SPIRE1: variants seen among roughly 807,000 people sequenced by gnomAD.
The protein encoded by SPIRE1 is spire type actin nucleation factor 1, also known as protein spire homolog 1.
In SPIRE1, 40 loss-of-function variants were observed where a neutral mutation model predicts 94.1. The observed-to-expected ratio is 0.43, with a 90% CI of 0.33 to 0.55. The LOEUF is 0.55. Ranked by LOEUF, SPIRE1 falls within the 20% of genes least tolerant of loss-of-function variation. The pLI is 0.06. For synonymous variants in SPIRE1, 376 were observed against 371.7 expected (o/e 1.01, Z -0.13); for missense variants, 838 against 975.2 (o/e 0.86, Z 1.87).
intron 12 of SPIRE1, among the ~76,000 whole-genome samples, chr18:12,457,166 T>C (rs991744000): frequency 3.3e-5 from 5 of 152,170 alleles, no homozygotes; most frequent in Admixed American, 3.3e-4. Flanking sequence ...TAGATTTTTG[T>C]TTGCTTTCTT....
intron 1 of SPIRE1, among the ~76,000 whole-genome samples, chr18:12,641,373 T>C (rs1251595933): frequency 2.5e-5 from 3 of 118,926 alleles, no homozygotes; most frequent in Non-Finnish European, 6.0e-5. Context: ...TTTCTTTTTT[T>C]CTTTTTTTTT....
At chr18:12,544,452 C>T (rs986170284) in intron 3 of SPIRE1, among the ~76,000 whole-genome samples, 3 of 151,966 alleles carry the variant, frequency 2.0e-5, no homozygotes, top group Non-Finnish European at 2.9e-5. Context: ...GATCCACCTG[C>T]CTCGGCCTCC....
At chr18:12,522,704 C>G (rs1888458016) in intron 4 of SPIRE1, among the ~76,000 whole-genome samples, 1 of 152,118 alleles carries the variant, frequency 6.6e-6, no homozygotes, top group East Asian at 1.9e-4. Flanking sequence ...ATTTACCATT[C>G]TGAAAATCTT....
In SPIRE1 at chr18:12,479,772, T is replaced by G; in HGVS notation, c.1331A>C (p.Gln444Pro). ...CTTCTTCCGCTGTGCAGGCACCTGCTGTGAGGTACTTAACCCGTTTTCTTT... is the reference window on the plus strand; with the variant it reads ...CTTCTTCCGCTGTGCAGGCACCTGCGGTGAGGTACTTAACCCGTTTTCTTT... ...QTKENGLSTS[Q>P]QVPAQRKKLL... is the part of the protein sequence containing the mutation. Residue 444 changes from glutamine to proline, a missense_variant, in exon 10 of 17, where the codon CAG (glutamine) becomes CCG (proline). By Grantham distance (76) the Gln-to-Pro change is moderately conservative. This residue lies in a region of SPIRE1 where 645 missense variants were observed against 804.7 expected (regional missense o/e 0.80). Transcript: ENST00000409402. The G allele has an allele frequency of 6.2e-7, 1 of 1,614,222 alleles. No homozygotes were observed. Among genetic ancestry groups the G allele is most frequent in the African/African-American group, 1.3e-5 (1 of 75,078 alleles).
Position 12,471,048 on chromosome 18 carries a change from C to T in SPIRE1, c.1405-6090G>A, listed in dbSNP as rs547481898. Among the ~76,000 whole-genome samples the T allele has an allele frequency of 6.1e-5, 9 of 148,160 alleles. No homozygotes were observed. The South Asian group carries it at 1.9e-3, about 31-fold the overall frequency. On this transcript the variant is annotated intron_variant, in intron 10 of 16. Transcript: ENST00000409402. ...GCAGGGCTCAGACACAGCTCCTTTG[C>T]TTAGCTTTCCTACTGGAAGCTTTGA...
chr18:12,657,712 G>C lies in SPIRE1; in HGVS notation c.155C>G (p.Pro52Arg). 1 of 1,406,620 alleles carries C rather than the reference G, an allele frequency of 7.1e-7. No homozygotes were observed. Among genetic ancestry groups the C allele is most frequent in the Non-Finnish European group, 9.3e-7 (1 of 1,072,762 alleles). 87.1% of individuals were successfully genotyped at this position (1,406,620 alleles called of 1,614,324 possible). ...LEEILRLYNQ[P>R]INEEQAWAVC... is the part of the protein sequence containing the mutation. The stretch of plus-strand genomic sequence containing the variant: ...GGCCCACGCCTGCTCCTCGTTGATG[G>C]GCTGGTTGTACAGCCGCAGGATCTC... The change falls in exon 1 of 17, where the codon CCC (proline) becomes CGC (arginine). Residue 52 changes from proline to arginine, a missense_variant. Transcript: ENST00000409402.
At chr18:12,513,240 A>G (rs1466683065) in intron 4 of SPIRE1, among the ~76,000 whole-genome samples, 2 of 152,270 alleles carry the variant, frequency 1.3e-5, no homozygotes, top group East Asian at 3.9e-4. Flanking sequence ...CATCAATTCA[A>G]CACTTGCAAC....
At chr18:12,658,550 G>A (rs1483812220), upstream of SPIRE1, 10 of 470,674 alleles carry the variant, frequency 2.1e-5, no homozygotes, top group Middle Eastern at 3.2e-4. Flanking sequence ...AGCGGGAGAA[G>A]TCACCCGCAT....
chr18:12,450,033 C>A (rs2031151924), intron 16 of SPIRE1, 137 bp from the exon 17 acceptor site: 1 of 951,954 alleles, frequency 1.1e-6, no homozygotes, highest in Non-Finnish European at 1.5e-6. Context: ...ATATGTCCTT[C>A]TAAAAAAATT....
At chr18:12,525,286 A>AT (rs2034481628) in intron 4 of SPIRE1, among the ~76,000 whole-genome samples, 3 of 146,482 alleles carry the variant, frequency 2.0e-5, no homozygotes, top group African/African-American at 7.5e-5. Flanking sequence ...CAAAAAAAAA[A>AT]AAAAAAAAAA....
intron 2 of SPIRE1, among the ~76,000 whole-genome samples, chr18:12,612,157 C>T (rs1364893551): frequency 2.0e-5 from 3 of 152,166 alleles, no homozygotes; most frequent in African/African-American, 2.4e-5. Flanking sequence ...TGTTGTCAAA[C>T]TCAATAATCA....
At chr18:12,630,131 CA>C (rs2037736260) in intron 2 of SPIRE1, among the ~76,000 whole-genome samples, 1 of 152,078 alleles carries the variant, frequency 6.6e-6, no homozygotes, top group Non-Finnish European at 1.5e-5. Flanking sequence ...TTATGTACTA[CA>C]AAAACTATTA....
intron 2 of SPIRE1, among the ~76,000 whole-genome samples, chr18:12,593,893 G>A (rs192290497): frequency 3.9e-4 from 59 of 152,034 alleles, no homozygotes; most frequent in Admixed American, 1.6e-3. Context: ...CGGAGCTTGC[G>A]GTTGAGATTG....
rs118090809 is a variant in SPIRE1, at chr18:12,625,331, G to A, written c.372+9731C>T. On this transcript the variant is annotated intron_variant, in intron 2 of 16. Transcript: ENST00000409402. ...GGTCTTTAATCCAAAAAGACAGAAA[G>A]TAGAATGCAAGCATTCCTAAACATT... is the stretch of plus-strand genomic sequence containing the variant. Among the ~76,000 whole-genome samples, 970 of 152,306 alleles carry A rather than the reference G, an allele frequency of 6.4e-3. 9 individuals are homozygous for A. Among genetic ancestry groups the A allele is most frequent in the South Asian group, 0.024 (118 of 4,820 alleles).
chr18:12,619,043 C>A (rs1185089612), intron 2 of SPIRE1, among the ~76,000 whole-genome samples: 2 of 151,882 alleles, frequency 1.3e-5, no homozygotes, highest in Non-Finnish European at 2.9e-5. Flanking sequence ...CGCCACCACG[C>A]CTGGCTAATT....
At chr18:12,483,788 C>T (rs2032933977) in intron 9 of SPIRE1, among the ~76,000 whole-genome samples, 1 of 152,108 alleles carries the variant, frequency 6.6e-6, no homozygotes, top group African/African-American at 2.4e-5. Flanking sequence ...AGAAAATGCA[C>T]TCCAATCTTT....
chr18:12,632,230 G>A (rs1262752652), intron 2 of SPIRE1, among the ~76,000 whole-genome samples: 1 of 152,098 alleles, frequency 6.6e-6, no homozygotes, highest in Non-Finnish European at 1.5e-5. Flanking sequence ...AGACCACAGA[G>A]CCCTGGACCA....
intron 2 of SPIRE1, among the ~76,000 whole-genome samples, chr18:12,612,606 A>G (rs1334754100): frequency 6.6e-6 from 1 of 152,244 alleles, no homozygotes; most frequent in Non-Finnish European, 1.5e-5. Flanking sequence ...AAGATCTACC[A>G]AATCAGAATC....
intron 10 of SPIRE1, among the ~76,000 whole-genome samples, chr18:12,466,347 G>C (rs2032099438): frequency 6.6e-6 from 1 of 152,018 alleles, no homozygotes; most frequent in Admixed American, 6.6e-5. Flanking sequence ...CATGATCTCA[G>C]CTCACTGCGA....
Sources: allele counts gnomAD v4.1 joint callset (sites outside exome capture counted in the v4.1 genomes callset), GRCh38; gene constraint gnomAD v4.1.1; regional missense constraint gnomAD v4.1.1; transcripts MANE v1.5; gene names NCBI Gene and HGNC (gene_info 2026-07-23, HGNC 2026-07-21).